Variants in TMA16 observed in about 807,000 individuals in gnomAD.
The protein encoded by TMA16 is translation machinery associated 16 homolog, also known as translation machinery-associated protein 16.
A neutral mutation model predicts 27.1 loss-of-function variants in TMA16; 26 were observed. The observed-to-expected ratio is 0.96, with a 90% confidence interval of 0.70 to 1.33. TMA16 has a LOEUF of 1.33. TMA16 is among the 40% of genes most tolerant of loss of function. The pLI, the probability that TMA16 is intolerant of heterozygous loss-of-function variation, is 0.00. For synonymous variants in TMA16, 71 were observed against 81.9 expected (o/e 0.87, Z 0.72); for missense variants, 233 against 241.4 (o/e 0.97, Z 0.23).
rs142093915 is a variant in TMA16, at chr4:163,515,259, T to G, written c.240-54T>G. On this transcript the variant is annotated intron_variant, in intron 4 of 6. Coordinates refer to ENST00000358572, the MANE Select transcript of TMA16 (RefSeq NM_018352.3). ...ATACTAAGTTTTCCATTAAGTAATG[T>G]AAGCCCAATACATATACTTTGTATG... The G allele has an allele frequency of 1.3e-3, 1,882 of 1,503,036 alleles. 2 individuals are homozygous for G. Among genetic ancestry groups the G allele is most frequent in the Non-Finnish European group, 1.5e-3 (1,630 of 1,123,450 alleles). 93.1% of individuals were successfully genotyped at this position (1,503,036 alleles called of 1,614,324 possible).
At chr4:163,516,604 C>G (rs926395058) in intron 5 of TMA16, among the ~76,000 whole-genome samples, 1 of 152,088 alleles carries the variant, frequency 6.6e-6, no homozygotes, top group African/African-American at 2.4e-5. Context: ...TTTTGTTGTT[C>G]ATGCCTCTTG....
At chr4:163,506,833 G>A (rs3816244) in intron 1 of TMA16, among the ~76,000 whole-genome samples, 200 bp from the exon 2 acceptor site, 91,869 of 151,958 alleles carry the variant, frequency 0.6, 27,965 homozygotes, top group Admixed American at 0.71. Context: ...TGAATATATC[G>A]TTTCTGTCAT....
chr4:163,497,043 G>A (rs964755112), intron 1 of TMA16, among the ~76,000 whole-genome samples: 16 of 152,164 alleles, frequency 1.1e-4, no homozygotes, highest in African/African-American at 3.9e-4. Flanking sequence ...TAGAGCTTGT[G>A]TGTGCTTCTT....
chr4:163,509,884 G>GGAA (rs1737767843), intron 2 of TMA16, among the ~76,000 whole-genome samples: 1 of 152,120 alleles, frequency 6.6e-6, no homozygotes, highest in Admixed American at 6.5e-5. Flanking sequence ...GACTCCTAAT[G>GGAA]GAAGATTAAC....
At chr4:163,509,049 A>C (rs1240296892) in intron 2 of TMA16, among the ~76,000 whole-genome samples, 1 of 152,218 alleles carries the variant, frequency 6.6e-6, no homozygotes, top group Non-Finnish European at 1.5e-5. Flanking sequence ...TTATTTTCAA[A>C]AAGTCACTCT....
intron 1 of TMA16, among the ~76,000 whole-genome samples, chr4:163,505,304 T>C (rs1365584337): frequency 1.3e-5 from 2 of 152,216 alleles, no homozygotes; most frequent in Non-Finnish European, 2.9e-5. Context: ...AGAGTACATA[T>C]ACTCTTATAT....
At chr4:163,508,381 G>T (rs1737746187) in intron 2 of TMA16, among the ~76,000 whole-genome samples, 1 of 151,950 alleles carries the variant, frequency 6.6e-6, no homozygotes, top group African/African-American at 2.4e-5. Context: ...GCTGGTTTAG[G>T]GACCACACTA....
At chr4:163,502,716 C>T (rs1418134504) in intron 1 of TMA16, among the ~76,000 whole-genome samples, 3 of 152,112 alleles carry the variant, frequency 2.0e-5, no homozygotes, top group African/African-American at 4.8e-5. Flanking sequence ...TTGTCATTGA[C>T]ACGTGTCATT....
At chr4:163,511,634 G>A (rs1197774942) in intron 2 of TMA16, among the ~76,000 whole-genome samples, 2 of 150,406 alleles carry the variant, frequency 1.3e-5, no homozygotes, top group Non-Finnish European at 3.0e-5. Context: ...GACACAGTGA[G>A]ACTCTGTCTC....
At chr4:163,511,799 C>G (rs918158297) in intron 2 of TMA16, among the ~76,000 whole-genome samples, 2 of 151,008 alleles carry the variant, frequency 1.3e-5, no homozygotes, top group African/African-American at 4.9e-5. Context: ...CAGTCCTGCT[C>G]GAGCTACACA....
chr4:163,502,118 GAGA>G (rs1737658270), intron 1 of TMA16, among the ~76,000 whole-genome samples: 1 of 152,086 alleles, frequency 6.6e-6, no homozygotes, highest in African/African-American at 2.4e-5. Context: ...GAGAATCTGG[GAGA>G]AGTTTATTCT....
Position 163,494,745 on chromosome 4 carries a change from G to A in TMA16, c.-57G>A. On this transcript the variant is annotated 5_prime_UTR_variant, in exon 1 of 7. Coordinates refer to ENST00000358572, the MANE Select transcript of TMA16 (RefSeq NM_018352.3). ...CTTGTGAGCTGCTGCTCCTGCGGTT[G>A]GTGAGATTACCTGGGTCTAGAGTGC... 2 of 1,612,662 alleles carry A rather than the reference G, an allele frequency of 1.2e-6. No homozygotes were observed. Among genetic ancestry groups the A allele is most frequent in the East Asian group, 2.2e-5 (1 of 44,862 alleles).
chr4:163,504,000 G>C (rs1014352224), intron 1 of TMA16, among the ~76,000 whole-genome samples: 1 of 152,092 alleles, frequency 6.6e-6, no homozygotes, highest in East Asian at 1.9e-4. Context: ...AGTCTTGAAG[G>C]TTCTTTAGCC....
In TMA16 at chr4:163,507,768, GAGA is replaced by G. The variant is rs377032944; in HGVS notation, c.116+626_116+628del. ...GAAGGAGCATTCCACAAGTGAGACT[GAGA>G]AGGAGGAGAAAGAAGGCTGTTTCAA... On this transcript the variant is annotated intron_variant, in intron 2 of 6. Transcript: ENST00000358572. Among the ~76,000 whole-genome samples the G allele has an allele frequency of 4.7e-4, 71 of 152,176 alleles. No individual in the cohort carries two copies. In the South Asian group the frequency reaches 0.014, roughly 30 times the overall value.
intron 6 of TMA16, 83 bp downstream of exon 6, chr4:163,517,559 G>A: frequency 7.9e-7 from 1 of 1,264,066 alleles, no homozygotes; most frequent in Non-Finnish European, 1.1e-6. Context: ...AGTCTAGCCG[G>A]TAGAACTAAA....
chr4:163,494,904 A>G, intron 1 of TMA16, 100 bp downstream of exon 1: 1 of 1,529,764 alleles, frequency 6.5e-7, no homozygotes, highest in Non-Finnish European at 9.0e-7. Flanking sequence ...AACCTAGGAG[A>G]GGGGAGGATG....
Position 163,507,165 on chromosome 4 carries a change from T to A in TMA16, c.116+20T>A. The A allele has an allele frequency of 6.5e-7, 1 of 1,547,818 alleles. No individual in the cohort carries two copies. Among genetic ancestry groups the A allele is most frequent in the Non-Finnish European group, 8.7e-7 (1 of 1,143,188 alleles). On this transcript the variant is annotated intron_variant, in intron 2 of 6. Transcript: ENST00000358572. The stretch of plus-strand genomic sequence containing the variant: ...GGAAAAGTAAGTATCTTTTCATCAT[T>A]TGTATTACTCGTTGGTAAAAAGCCC...
intron 2 of TMA16, among the ~76,000 whole-genome samples, chr4:163,511,042 AACACACT>A (rs1737785062): frequency 6.6e-6 from 1 of 152,220 alleles, no homozygotes; most frequent in African/African-American, 2.4e-5. Flanking sequence ...ACGTTAGGTT[AACACACT>A]TAAGATGTTT....
chr4:163,507,958 G>C (rs1327308857), intron 2 of TMA16, among the ~76,000 whole-genome samples: 2 of 151,640 alleles, frequency 1.3e-5, no homozygotes, highest in Non-Finnish European at 2.9e-5. Context: ...GCTTTATATA[G>C]TAAAGGTTAC....
Sources: gnomAD v4.1 joint callset for allele counts (sites outside exome capture counted in the v4.1 genomes callset) on GRCh38, gnomAD v4.1.1 for gene constraint, MANE v1.5 for transcripts, NCBI Gene and HGNC (gene_info 2026-07-23, HGNC 2026-07-21) for gene names.